SPMIP2: variants seen among roughly 807,000 people sequenced by gnomAD.
The protein encoded by SPMIP2 is sperm microtubule inner protein 2.
chr4:159,057,764 G>A, the SPMIP2 span, among the ~76,000 whole-genome samples: 2 of 149,992 alleles, frequency 1.3e-5, no homozygotes, highest in East Asian at 3.9e-4. Flanking sequence ...ATAAAGTAAT[G>A]TTATACAAAA....
At chr4:158,987,528 A>G in the SPMIP2 span, among the ~76,000 whole-genome samples, 1 of 152,152 alleles carries the variant, frequency 6.6e-6, no homozygotes. Context: ...CAACTATCGC[A>G]AGGACAAACC....
At chr4:158,954,075 A>G in the SPMIP2 span, among the ~76,000 whole-genome samples, 2 of 152,132 alleles carry the variant, frequency 1.3e-5, no homozygotes, top group African/African-American at 4.8e-5. Flanking sequence ...GGAAGGCATG[A>G]TTGGTTTTGA....
the SPMIP2 span, among the ~76,000 whole-genome samples, chr4:158,902,289 T>C: frequency 7.2e-5 from 11 of 152,200 alleles, no homozygotes; most frequent in African/African-American, 2.2e-4. Context: ...CTACAGACCC[T>C]GTTTGCCTGG....
chr4:158,903,248 G>T, the SPMIP2 span, among the ~76,000 whole-genome samples: 1 of 152,104 alleles, frequency 6.6e-6, no homozygotes, highest in African/African-American at 2.4e-5. Context: ...CTGAACCCTT[G>T]CACTTCCCGA....
chr4:158,932,532 A>G, the SPMIP2 span, among the ~76,000 whole-genome samples: 1 of 152,106 alleles, frequency 6.6e-6, no homozygotes, highest in East Asian at 1.9e-4. Flanking sequence ...GGTAAATCCA[A>G]TGTTTCAGTT....
chr4:159,064,319 G>A, the SPMIP2 span: 10 of 152,108 alleles, frequency 6.6e-5, no homozygotes, highest in African/African-American at 9.7e-5. Flanking sequence ...AAGTGCAGTA[G>A]TGAGAAGAGG....
chr4:158,949,168 T>C, the SPMIP2 span, among the ~76,000 whole-genome samples: 1 of 152,196 alleles, frequency 6.6e-6, no homozygotes, highest in Non-Finnish European at 1.5e-5. Flanking sequence ...TTTTAATAGA[T>C]ATATTTGCTT....
chr4:158,973,068 AAG>A, the SPMIP2 span: 1 of 1,472,692 alleles, frequency 6.8e-7, no homozygotes, highest in African/African-American at 1.4e-5. Flanking sequence ...GCATAAATTT[AAG>A]AGCAATACCT....
chr4:158,980,994 T>G, the SPMIP2 span, among the ~76,000 whole-genome samples: 18,076 of 151,992 alleles, frequency 0.12, 1,216 homozygotes, highest in East Asian at 0.24. Context: ...GAATAACCAG[T>G]TTAGAGAAGA....
the SPMIP2 span, chr4:158,907,471 G>A: frequency 5.9e-5 from 9 of 152,232 alleles, no homozygotes; most frequent in African/African-American, 1.4e-4. Flanking sequence ...ATACTAAACC[G>A]TTGTTTGGGC....
At chr4:159,063,959 T>C in the SPMIP2 span, among the ~76,000 whole-genome samples, 384 of 152,332 alleles carry the variant, frequency 2.5e-3, no homozygotes, top group African/African-American at 8.7e-3. Context: ...GAATTGTTTC[T>C]AAAATCTTTC....
the SPMIP2 span, among the ~76,000 whole-genome samples, chr4:159,053,918 CAA>C: frequency 6.3e-4 from 88 of 139,676 alleles, no homozygotes; most frequent in African/African-American, 3.1e-4. Context: ...AAACTTGTCT[CAA>C]AAAAAAAAAA....
At chr4:159,051,053 G>A in the SPMIP2 span, among the ~76,000 whole-genome samples, 1 of 151,144 alleles carries the variant, frequency 6.6e-6, no homozygotes, top group Non-Finnish European at 1.5e-5. Flanking sequence ...GTTGCAGTGA[G>A]CCAAGATCGC....
the SPMIP2 span, among the ~76,000 whole-genome samples, chr4:159,081,429 G>T: frequency 6.6e-6 from 1 of 152,056 alleles, no homozygotes; most frequent in African/African-American, 2.4e-5. Flanking sequence ...GGTGGCTCAT[G>T]CCTGGAGTCC....
At chr4:159,030,934 T>C in the SPMIP2 span, among the ~76,000 whole-genome samples, 2 of 152,246 alleles carry the variant, frequency 1.3e-5, no homozygotes, top group African/African-American at 2.4e-5. Context: ...TTTACATTAT[T>C]GACATCCAAA....
chr4:158,896,628 C>T, the SPMIP2 span, among the ~76,000 whole-genome samples: 1 of 152,110 alleles, frequency 6.6e-6, no homozygotes, highest in Non-Finnish European at 1.5e-5. Flanking sequence ...GCTTAGATTT[C>T]TCATCTTTCA....
the SPMIP2 span, among the ~76,000 whole-genome samples, chr4:159,062,853 TA>T: frequency 1.3e-5 from 2 of 150,724 alleles, no homozygotes; most frequent in African/African-American, 4.9e-5. Flanking sequence ...CAGGCCTGGC[TA>T]ATTTTTTTTT....
At chr4:158,893,891 A>G in the SPMIP2 span, among the ~76,000 whole-genome samples, 353 of 152,340 alleles carry the variant, frequency 2.3e-3, no homozygotes, top group Non-Finnish European at 3.8e-3. Flanking sequence ...AGTGTGTTCA[A>G]GCACTTACTA....
chr4:158,927,936 CTGTGG>C, the SPMIP2 span, among the ~76,000 whole-genome samples: 1 of 152,258 alleles, frequency 6.6e-6, no homozygotes, highest in Non-Finnish European at 1.5e-5. Flanking sequence ...AGCTGCCTTC[CTGTGG>C]GGCAGGGCTC....
Sources: allele counts gnomAD v4.1 joint callset (sites outside exome capture counted in the v4.1 genomes callset), GRCh38; gene constraint gnomAD v4.1.1; transcripts MANE v1.5; gene names NCBI Gene and HGNC (gene_info 2026-07-23, HGNC 2026-07-21).